NLRP5: variants seen among roughly 807,000 people sequenced by gnomAD.
NLRP5 encodes NACHT, LRR and PYD domains-containing protein 5.
Under a neutral mutation model 113.1 loss-of-function variants are expected in NLRP5, and 93 were observed. That is an observed-to-expected ratio of 0.82 (90% CI 0.70 to 0.98). NLRP5 has a LOEUF of 0.98. Ranked by LOEUF, NLRP5 falls within the 50% of genes least tolerant of loss-of-function variation. The pLI, the probability that NLRP5 is intolerant of heterozygous loss-of-function variation, is 0.00. For missense variants in NLRP5, 1,808 were observed against 1,514.3 expected (o/e 1.19, Z -3.22); for synonymous variants, 751 against 600.7 (o/e 1.25, Z -3.66).
chr19:56,048,966 ATTTTTTTTTTTAATTTTTTTTT>A (rs1217177376), intron 11 of NLRP5, among the ~76,000 whole-genome samples: 1 of 108,290 alleles, frequency 9.2e-6, no homozygotes, highest in African/African-American at 3.5e-5. Flanking sequence ...TCAAGCTCTG[ATTTTTTTTTTTAATTTTTTTTT>A]TTTTTTTTTT....
rs144261212 is a variant in NLRP5, at chr19:56,038,705, G to A, written c.2786+510G>A. On this transcript the variant is annotated intron_variant, in intron 10 of 14. Transcript: ENST00000390649. ...CAATCCCACCTCCTTCTATGGAGAC[G>A]AGGGAGCCCAGAGCAGGGATGAACC... 5.4e-4 allele frequency among the ~76,000 whole-genome samples: 83 copies of A among 152,300 alleles called. No individual in the cohort carries two copies. In the East Asian group the frequency reaches 0.014, roughly 26 times the overall value.
rs752956172 is a variant in NLRP5, at chr19:55,999,813, T to A, written c.62+26T>A. ...GTCGACAGCCTCTTAGAGTTACCTATGAGGAAACCGACCCTCAGCCTTGGT... is the reference window on the plus strand; with the variant it reads ...GTCGACAGCCTCTTAGAGTTACCTAAGAGGAAACCGACCCTCAGCCTTGGT... On this transcript the variant is annotated intron_variant, in intron 1 of 14. Transcript: ENST00000390649. 4.4e-6 allele frequency: 7 copies of A among 1,576,344 alleles called. 1 individual carries two copies. The Admixed American group carries it at 1.2e-4, about 26-fold the overall frequency.
intron 6 of NLRP5, 148 bp downstream of exon 6, chr19:56,020,579 C>T (rs1001470044): frequency 3.6e-6 from 3 of 834,786 alleles, no homozygotes; most frequent in Admixed American, 2.4e-5. Context: ...TCCCTTCAAG[C>T]TCTTGATCAG....
the NLRP5 span, among the ~76,000 whole-genome samples, chr19:55,989,107 C>T: frequency 6.6e-6 from 1 of 152,198 alleles, no homozygotes; most frequent in African/African-American, 2.4e-5. Context: ...AATGTTCTAT[C>T]ATCAGTGTTC....
intron 13 of NLRP5, among the ~76,000 whole-genome samples, chr19:56,057,948 A>T (rs1164784882): frequency 6.6e-6 from 1 of 151,550 alleles, no homozygotes; most frequent in Non-Finnish European, 1.5e-5. Context: ...TATCGCTTGA[A>T]TCCCAGAGGT....
chr19:56,014,333 C>T lies in NLRP5; in HGVS notation c.509-1409C>T, dbSNP rs143294297. On this transcript the variant is annotated intron_variant, in intron 3 of 14. Coordinates refer to ENST00000390649, the MANE Select transcript of NLRP5 (RefSeq NM_153447.4). Reference sequence around the variant, plus strand: ...GTCTCTACTAAAATACAAAAAAATCCACCAGGCATGGTGGCGCTTTCCTGT... The same window carrying T: ...GTCTCTACTAAAATACAAAAAAATCTACCAGGCATGGTGGCGCTTTCCTGT... Among the ~76,000 whole-genome samples the T allele has an allele frequency of 1.1e-3, 165 of 152,074 alleles. 1 individual carries two copies. The highest frequency in any genetic ancestry group is 4.0e-3 in the African/African-American group (164 of 41,504).
At chr19:56,024,401 TGTAC>T (rs1396727816) in intron 6 of NLRP5, among the ~76,000 whole-genome samples, 1 of 123,282 alleles carries the variant, frequency 8.1e-6, no homozygotes, top group East Asian at 2.1e-4. Flanking sequence ...TATACATATA[TGTAC>T]ATATATGTAT....
rs866138828 is a variant in NLRP5 at position 56,026,985 on chromosome 19, G to A, written c.752G>A (p.Arg251His). 21 of 1,551,598 alleles carry A rather than the reference G, an allele frequency of 1.4e-5. No individual in the cohort carries two copies. In the African/African-American group the frequency reaches 1.8e-4, roughly 13 times the overall value. ...TTCGCTGAGGAGGAGGATGTACGTC[G>A]TAGTTTTGAAAACACTGCTGCTGAC... is the stretch of plus-strand genomic sequence containing the variant. Residue 251 changes from arginine (R) to histidine (H), a missense_variant, in exon 7 of 15, where the codon CGT becomes CAT. Coordinates refer to ENST00000390649, the MANE Select transcript of NLRP5 (RefSeq NM_153447.4).
In NLRP5 at chr19:56,030,714, C is replaced by CTTTTTT. The variant is rs770624516; in HGVS notation, c.2277-1884_2277-1879dup. Among the ~76,000 whole-genome samples, 403 of 71,134 alleles carry CTTTTTT rather than the reference C, an allele frequency of 5.7e-3. 53 individuals are homozygous for CTTTTTT. The highest frequency in any genetic ancestry group is 0.021 in the African/African-American group (291 of 13,890). The allele number at this position is 71,134 out of a possible 152,430, so 46.7% of individuals were successfully genotyped here. On this transcript the variant is annotated intron_variant, in intron 7 of 14. Transcript: ENST00000390649. ...ACTTACATTCATTCGCTTTCTTCTT[C>CTTTTTT]TTTTTTTTTTTTTTTTTTGAGACGG...
At chr19:56,024,602 C>CAT (rs1048842969) in intron 6 of NLRP5, among the ~76,000 whole-genome samples, 1 of 150,118 alleles carries the variant, frequency 6.7e-6, no homozygotes, top group African/African-American at 2.5e-5. Flanking sequence ...CACACACACA[C>CAT]ATGAAATTAG....
intron 1 of NLRP5, among the ~76,000 whole-genome samples, chr19:56,002,764 T>G (rs1474015042): frequency 4.6e-5 from 7 of 151,324 alleles, no homozygotes. Flanking sequence ...TGGTTTCCAG[T>G]TTCATCCATG....
chr19:56,014,118 G>A (rs769984245), intron 3 of NLRP5, among the ~76,000 whole-genome samples: 3 of 152,042 alleles, frequency 2.0e-5, no homozygotes, highest in Non-Finnish European at 4.4e-5. Flanking sequence ...GAAGCACAGC[G>A]GGCTTTTATT....
chr19:56,017,860 A>T (rs968376070), intron 4 of NLRP5, among the ~76,000 whole-genome samples: 1 of 152,156 alleles, frequency 6.6e-6, no homozygotes, highest in Non-Finnish European at 1.5e-5. Context: ...GTCTCCCAGG[A>T]TGGAGTGCGG....
upstream of NLRP5, among the ~76,000 whole-genome samples, chr19:55,998,743 T>TATGTGTATATATATATAC (rs1555762470): frequency 6.9e-6 from 1 of 145,338 alleles, no homozygotes; most frequent in African/African-American, 2.6e-5. Flanking sequence ...TATATATATA[T>TATGTGTATATATATATAC]ACACACACTT....
chr19:56,006,231 C>T (rs1022252582), intron 2 of NLRP5, among the ~76,000 whole-genome samples: 1 of 152,048 alleles, frequency 6.6e-6, no homozygotes, highest in Non-Finnish European at 1.5e-5. Flanking sequence ...ACAATGAAAA[C>T]GCTTGGACAC....
chr19:56,050,298 A>C lies in NLRP5; in HGVS notation c.2958-120A>C, dbSNP rs574523896. On this transcript the variant is annotated intron_variant, in intron 11 of 14. Coordinates refer to ENST00000390649, the MANE Select transcript of NLRP5 (RefSeq NM_153447.4). Reference sequence around the variant, plus strand: ...CCTCAAAAAAAAAAAAGAAAAAAAAACAAATATGACCCCACCCTACACAGA... The same window carrying C: ...CCTCAAAAAAAAAAAAGAAAAAAAACCAAATATGACCCCACCCTACACAGA... 2.3e-5 allele frequency: 22 copies of C among 949,434 alleles called. No homozygotes were observed. The East Asian group carries it at 3.8e-4, about 16-fold the overall frequency. 58.8% of individuals were successfully genotyped at this position (949,434 alleles called of 1,614,324 possible).
chr19:56,000,655 C>A (rs544692545), intron 1 of NLRP5, among the ~76,000 whole-genome samples: 1 of 151,798 alleles, frequency 6.6e-6, no homozygotes, highest in African/African-American at 2.4e-5. Flanking sequence ...TGAGCCACTG[C>A]GCTCAGCCAC....
At position 56,032,653 on chromosome 19, in the gene NLRP5, C is replaced by G. The variant is rs1301806780; in HGVS notation, c.2319C>G (p.Phe773Leu). 6.2e-7 allele frequency: 1 copy of G among 1,613,818 alleles called. No homozygotes were observed. The highest frequency in any genetic ancestry group is 8.5e-7 in the Non-Finnish European group (1 of 1,179,822). ...TCATTGAGGAGCAGTGGGAAGATTT[C>G]TGCTCCATGCTTGGCACCCACCCAC... Residue 773 changes from phenylalanine (F) to leucine (L), a missense_variant, in exon 8 of 15, where the codon TTC (phenylalanine) becomes TTG (leucine). Phe to Leu is a conservative substitution (Grantham distance 22). Coordinates refer to ENST00000390649, the MANE Select transcript of NLRP5 (RefSeq NM_153447.4).
chr19:56,053,851 G>A, intron 13 of NLRP5, 43 bp downstream of exon 13: 3 of 1,590,392 alleles, frequency 1.9e-6, no homozygotes, highest in Non-Finnish European at 2.6e-6. Flanking sequence ...GCTGGGAGGA[G>A]GTGGGGGACC....
Sources: allele counts gnomAD v4.1 joint callset (sites outside exome capture counted in the v4.1 genomes callset), GRCh38; gene constraint gnomAD v4.1.1; transcripts MANE v1.5; gene names NCBI Gene and HGNC (gene_info 2026-07-23, HGNC 2026-07-21).